Variants in PAN3 observed in about 807,000 individuals in gnomAD.
PAN3 encodes PAN2-PAN3 deadenylation complex subunit PAN3.
In PAN3, 19 loss-of-function variants were observed where a neutral mutation model predicts 96.2. The observed-to-expected ratio is 0.20, with a 90% CI of 0.14 to 0.29. The LOEUF is 0.29. PAN3 is among the 10% of genes least tolerant of loss of function. The probability of loss-of-function intolerance (pLI) is 1.00; values close to 1 mark genes in which losing one functional copy is unlikely to be tolerated. For synonymous variants in PAN3, 433 were observed against 406.6 expected (o/e 1.06, Z -0.78); for missense variants, 882 against 1,108.1 (o/e 0.80, Z 2.90).
rs45465396 is a variant in PAN3 at position 28,292,549 on chromosome 13, T to TG, written c.*29dup. 6.5e-3 allele frequency: 10,411 copies of TG among 1,595,674 alleles called. 540 individuals carry two copies. In the African/African-American group the frequency reaches 0.12, roughly 18 times the overall value. On this transcript the variant is annotated 3_prime_UTR_variant, in exon 19 of 19. Coordinates refer to ENST00000380958, the MANE Select transcript of PAN3 (RefSeq NM_175854.8). ...ATTTGCTAAAAAAGCACGCAGGACA[T>TG]GGCTAAAGACCTTAACCAATAGCAA... is the stretch of plus-strand genomic sequence containing the variant.
At chr13:28,196,170 T>C (rs1007767055) in intron 4 of PAN3, among the ~76,000 whole-genome samples, 1 of 152,124 alleles carries the variant, frequency 6.6e-6, no homozygotes, top group Admixed American at 6.5e-5. Context: ...GCATCTTTTT[T>C]TGAAGAAACT....
At chr13:28,220,522 T>A in intron 6 of PAN3, 144 bp downstream of exon 6, 1 of 882,774 alleles carries the variant, frequency 1.1e-6, no homozygotes, top group Non-Finnish European at 1.6e-6. Flanking sequence ...TTTGGTACCA[T>A]AGGCCAAATG....
In PAN3 at chr13:28,139,028, C is replaced by T; in HGVS notation, c.371C>T (p.Thr124Ile). 7.8e-7 allele frequency: 1 copy of T among 1,275,136 alleles called. No individual in the cohort carries two copies. The highest frequency in any genetic ancestry group is 1.5e-5 in the African/African-American group (1 of 64,538). The allele number at this position is 1,275,136 out of a possible 1,614,324, so 79.0% of individuals were successfully genotyped here. A position where few individuals can be genotyped will look rare whatever the true frequency, so the allele number is the denominator to read the frequency against. The change falls in exon 1 of 19, where the codon ACC becomes ATC. Residue 124 changes from threonine (T) to isoleucine (I), a missense_variant. Coordinates refer to ENST00000380958, the MANE Select transcript of PAN3 (RefSeq NM_175854.8). ...PKKPDLGDPG[T>I]GAAAGGGGSS... ...AAGCCGGACCTGGGGGACCCGGGGA[C>T]CGGAGCCGCAGCCGGCGGAGGAGGC...
chr13:28,149,293 G>A (rs1871074314), intron 1 of PAN3, among the ~76,000 whole-genome samples: 2 of 152,150 alleles, frequency 1.3e-5, no homozygotes, highest in African/African-American at 4.8e-5. Flanking sequence ...GACCTAGGAG[G>A]TAGAGGATGC....
intron 9 of PAN3, among the ~76,000 whole-genome samples, chr13:28,266,456 T>C (rs1333803207): frequency 6.6e-6 from 1 of 152,250 alleles, no homozygotes; most frequent in Non-Finnish European, 1.5e-5. Context: ...AACAAATTTG[T>C]ATTGTGCTAT....
chr13:28,172,199 T>G (rs1432085819), intron 1 of PAN3, among the ~76,000 whole-genome samples: 2 of 152,188 alleles, frequency 1.3e-5, no homozygotes, highest in Non-Finnish European at 2.9e-5. Context: ...CTCACGCCTG[T>G]AATCCCAACA....
intron 3 of PAN3, 78 bp downstream of exon 3, chr13:28,176,637 A>T: frequency 7.2e-7 from 1 of 1,379,872 alleles, no homozygotes; most frequent in Non-Finnish European, 1.0e-6. Flanking sequence ...ACCATTGTAG[A>T]AATTTTGAAA....
chr13:28,191,101 G>A (rs1450733374), intron 4 of PAN3, among the ~76,000 whole-genome samples: 1 of 152,222 alleles, frequency 6.6e-6, no homozygotes, highest in African/African-American at 2.4e-5. Flanking sequence ...AAGCTCGGAA[G>A]GGAAGAGGAG....
intron 1 of PAN3, among the ~76,000 whole-genome samples, chr13:28,171,939 T>C (rs1383479266): frequency 6.6e-6 from 1 of 152,108 alleles, no homozygotes; most frequent in Non-Finnish European, 1.5e-5. Flanking sequence ...GCTACTCCTA[T>C]CACCCTGGAA....
At chr13:28,238,798 C>A (rs889460627) in intron 6 of PAN3, among the ~76,000 whole-genome samples, 2 of 151,772 alleles carry the variant, frequency 1.3e-5, no homozygotes, top group South Asian at 4.2e-4. Flanking sequence ...TTATTTTTTC[C>A]CCTTTTTTTT....
chr13:28,145,274 C>A (rs1458389121), intron 1 of PAN3, among the ~76,000 whole-genome samples: 2 of 147,672 alleles, frequency 1.4e-5, no homozygotes, highest in Non-Finnish European at 3.0e-5. Flanking sequence ...TATGTGTGTA[C>A]ATATTACAGA....
intron 14 of PAN3, 98 bp from the exon 15 acceptor site, chr13:28,277,139 T>C: frequency 8.0e-7 from 1 of 1,245,560 alleles, no homozygotes; most frequent in East Asian, 2.5e-5. Flanking sequence ...TGCAGCTTAT[T>C]TATAATGATG....
At chr13:28,223,520 T>C (rs565263239) in intron 6 of PAN3, among the ~76,000 whole-genome samples, 1 of 152,162 alleles carries the variant, frequency 6.6e-6, no homozygotes, top group East Asian at 1.9e-4. Flanking sequence ...TCTCAGAGGT[T>C]CACAGCCTTC....
At chr13:28,145,252 C>CGT (rs112715236) in intron 1 of PAN3, among the ~76,000 whole-genome samples, 5,220 of 151,750 alleles carry the variant, frequency 0.034, 294 homozygotes, top group African/African-American at 0.12. Context: ...TTTGCACTTG[C>CGT]GTGTGTGTGT....
At chr13:28,271,586 G>A (rs571207519) in intron 13 of PAN3, among the ~76,000 whole-genome samples, 83 of 152,306 alleles carry the variant, frequency 5.4e-4, no homozygotes, top group Middle Eastern at 6.8e-3. Context: ...TAAAGTTATT[G>A]AGGGATTTGA....
Position 28,169,770 on chromosome 13 carries a change from C to T in PAN3, c.431-4502C>T, listed in dbSNP as rs139875778. 6.0e-3 allele frequency among the ~76,000 whole-genome samples: 906 copies of T among 152,004 alleles called. 5 individuals carry two copies. The highest frequency in any genetic ancestry group is 0.021 in the African/African-American group (862 of 41,460). On this transcript the variant is annotated intron_variant, in intron 1 of 18. Transcript: ENST00000380958. ...ACTTTAAAAAATAATAATTTTAGGC[C>T]GGGCACAGTGGCTCACGCCTGTAAT...
intron 5 of PAN3, among the ~76,000 whole-genome samples, chr13:28,219,607 A>G (rs1280809894): frequency 6.6e-6 from 1 of 152,240 alleles, no homozygotes; most frequent in African/African-American, 2.4e-5. Flanking sequence ...CCACTGTGAA[A>G]AAGGTGTTTT....
intron 4 of PAN3, among the ~76,000 whole-genome samples, chr13:28,188,516 G>A (rs930631010): frequency 9.2e-5 from 14 of 152,008 alleles, no homozygotes; most frequent in African/African-American, 3.1e-4. Flanking sequence ...TGGGAGGATC[G>A]TTTGAGCTCA....
intron 6 of PAN3, among the ~76,000 whole-genome samples, chr13:28,234,400 A>G (rs1882886269): frequency 6.6e-6 from 1 of 152,150 alleles, no homozygotes; most frequent in African/African-American, 2.4e-5. Context: ...AAAAATTAAA[A>G]TTTTTCATGT....
Sources: gnomAD v4.1 joint callset for allele counts (sites outside exome capture counted in the v4.1 genomes callset) on GRCh38, gnomAD v4.1.1 for gene constraint, MANE v1.5 for transcripts, NCBI Gene and HGNC (gene_info 2026-07-23, HGNC 2026-07-21) for gene names.